TSC1: variants seen among roughly 807,000 people sequenced by gnomAD.
TSC1 encodes the protein TSC complex subunit 1, also known as hamartin.
In TSC1, 20 loss-of-function variants were observed where a neutral mutation model predicts 124.3. The observed-to-expected ratio is 0.16, with a 90% confidence interval of 0.11 to 0.23. TSC1 has a LOEUF of 0.23. Ranked by LOEUF, TSC1 falls within the 10% of genes least tolerant of loss-of-function variation. TSC1 has a pLI of 1.00. For missense variants in TSC1, 1,124 were observed against 1,448.5 expected (o/e 0.78, Z 3.64); for synonymous variants, 493 against 539.1 (o/e 0.91, Z 1.19).
intron 2 of TSC1, among the ~76,000 whole-genome samples, chr9:132,929,859 G>T (rs530657847): frequency 1.3e-5 from 2 of 152,266 alleles, no homozygotes; most frequent in African/African-American, 4.8e-5. Context: ...CACAAAGCTA[G>T]CAAGAGGCAA....
Position 132,902,527 on chromosome 9 carries a change from C to T in TSC1, c.2391+78G>A, listed in dbSNP as rs111915847. 6.1e-5 allele frequency: 94 copies of T among 1,548,058 alleles called. No individual in the cohort carries two copies. In the African/African-American group the frequency reaches 1.2e-3, roughly 19 times the overall value. On this transcript the variant is annotated intron_variant, in intron 18 of 22. Transcript: ENST00000298552. This position sits in a 1 kb window ranked among gnomAD's most constrained non-coding sequence, Gnocchi z 5.2. ...TAAAGCTGAACAAGTCAAGGACACCCAGGGAAACTGACTGCCTCCCTCCCC... is the reference window on the plus strand; with the variant it reads ...TAAAGCTGAACAAGTCAAGGACACCTAGGGAAACTGACTGCCTCCCTCCCC...
rs138277642 is a variant in TSC1, at chr9:132,923,249, A to G, written c.508+99T>C. 8.2e-3 allele frequency: 12,310 copies of G among 1,509,188 alleles called. 83 individuals carry two copies. Among genetic ancestry groups the G allele is most frequent in the South Asian group, 0.013 (982 of 75,166 alleles). 93.5% of individuals were successfully genotyped at this position (1,509,188 alleles called of 1,614,324 possible). A position where few individuals can be genotyped will look rare whatever the true frequency, so the allele number is the denominator to read the frequency against. On this transcript the variant is annotated intron_variant, in intron 6 of 22. Coordinates refer to ENST00000298552, the MANE Select transcript of TSC1 (RefSeq NM_000368.5). This position sits in a 1 kb window ranked among gnomAD's most constrained non-coding sequence, Gnocchi z 4.2. The stretch of plus-strand genomic sequence containing the variant: ...GGTGAAAACCACTCATTTCAGCTAT[A>G]AAAGTCTACATGTCCATTCCTTACA...
chr9:132,944,885 G>A, upstream of TSC1: 1 of 322,176 alleles, frequency 3.1e-6, no homozygotes. Flanking sequence ...CGCGAAGGAG[G>A]CAAAAAGAAG....
At chr9:132,900,681 C>G in intron 20 of TSC1, 34 bp downstream of exon 20, 1 of 1,613,144 alleles carries the variant, frequency 6.2e-7, no homozygotes, top group Non-Finnish European at 8.5e-7. Flanking sequence ...AAACGCTTTC[C>G]CCACTAAGGT....
At chr9:132,916,975 TG>T (rs1020200611) in intron 8 of TSC1, among the ~76,000 whole-genome samples, 4 of 152,224 alleles carry the variant, frequency 2.6e-5, no homozygotes, top group African/African-American at 9.7e-5. Flanking sequence ...GAAGGACATA[TG>T]GGAAGGAAAT....
At chr9:132,937,646 A>G (rs1006571687) in intron 1 of TSC1, among the ~76,000 whole-genome samples, 1 of 152,090 alleles carries the variant, frequency 6.6e-6, no homozygotes, top group African/African-American at 2.4e-5. Flanking sequence ...CCCAGCCACA[A>G]CCCATCCTAC....
chr9:132,929,553 T>C (rs1289540953), intron 2 of TSC1, among the ~76,000 whole-genome samples: 1 of 152,184 alleles, frequency 6.6e-6, no homozygotes, highest in Non-Finnish European at 1.5e-5. Flanking sequence ...AGGGCAAATC[T>C]TCAAAAACTC....
chr9:132,894,693 TA>T lies in TSC1; in HGVS notation c.*1541del, dbSNP rs748099884. The T allele has an allele frequency of 0.2, 22,955 of 113,768 alleles. 918 individuals are homozygous for T. Among genetic ancestry groups the T allele is most frequent in the Middle Eastern group, 0.25 (85 of 342 alleles). The allele number at this position is 113,768 out of a possible 1,614,324, so 7.0% of individuals were successfully genotyped here. A position where few individuals can be genotyped will look rare whatever the true frequency, so the allele number is the denominator to read the frequency against. ...GATGCTAGAATATTTATTGCCATGC[TA>T]AAAAAAAAAAAAAAAAAAAAAGACT... On this transcript the variant is annotated 3_prime_UTR_variant, in exon 23 of 23. Coordinates refer to ENST00000298552, the MANE Select transcript of TSC1 (RefSeq NM_000368.5).
chr9:132,906,475 G>A lies in TSC1; in HGVS notation c.1438+256C>T. 1.9e-6 allele frequency: 1 copy of A among 532,992 alleles called. No individual in the cohort carries two copies. The highest frequency in any genetic ancestry group is 2.0e-5 in the South Asian group (1 of 48,938). The allele number at this position is 532,992 out of a possible 1,614,324, so 33.0% of individuals were successfully genotyped here. On this transcript the variant is annotated intron_variant, in intron 14 of 22. Transcript: ENST00000298552. This position sits in a 1 kb window ranked among gnomAD's most constrained non-coding sequence, Gnocchi z 4.1. Reference sequence around the variant, plus strand: ...GAGGTGGGCGGATTGCTTGAGCCTGGGAGGTCAAGGCTGCAGTGAGCCATG... The same window carrying A: ...GAGGTGGGCGGATTGCTTGAGCCTGAGAGGTCAAGGCTGCAGTGAGCCATG...
chr9:132,913,601 C>T (rs1042889482), intron 8 of TSC1, among the ~76,000 whole-genome samples: 1 of 151,804 alleles, frequency 6.6e-6, no homozygotes, highest in Admixed American at 6.6e-5. Context: ...CTGAGGCGGA[C>T]GGATCACAAG....
rs996498044 is a variant in TSC1 at position 132,921,275 on chromosome 9, C to T, written c.737+88G>A. 2 of 1,395,298 alleles carry T rather than the reference C, an allele frequency of 1.4e-6. No individual in the cohort carries two copies. The highest frequency in any genetic ancestry group is 2.0e-6 in the Non-Finnish European group (2 of 993,708). 86.4% of individuals were successfully genotyped at this position (1,395,298 alleles called of 1,614,324 possible). On this transcript the variant is annotated intron_variant, in intron 8 of 22. Transcript: ENST00000298552. This position sits in a 1 kb window ranked among gnomAD's most constrained non-coding sequence, Gnocchi z 4.3. Reference sequence around the variant, plus strand: ...TTCTGTAAGTAGAACATCTATATTCCCAAATATACCTCAACAGGGATTACC... The same window carrying T: ...TTCTGTAAGTAGAACATCTATATTCTCAAATATACCTCAACAGGGATTACC...
At chr9:132,944,459 C>A (rs1847961355) in intron 1 of TSC1, 84 bp downstream of exon 1, 1 of 397,612 alleles carries the variant, frequency 2.5e-6, no homozygotes, top group Admixed American at 4.4e-5. Flanking sequence ...CCAGCCCCTC[C>A]GAGCCTCCCC....
intron 8 of TSC1, among the ~76,000 whole-genome samples, chr9:132,918,564 G>A (rs1846381060): frequency 6.6e-6 from 1 of 152,160 alleles, no homozygotes; most frequent in Non-Finnish European, 1.5e-5. Context: ...AAGTAGTTGA[G>A]GGCATGAGTG....
chr9:132,926,353 G>A (rs1846859816), intron 4 of TSC1: 1 of 161,576 alleles, frequency 6.2e-6, no homozygotes, highest in Admixed American at 5.8e-5. Context: ...AAAACAAGAT[G>A]TACTGTAAAA....
chr9:132,936,591 G>C (rs1480902047), intron 1 of TSC1, among the ~76,000 whole-genome samples: 2 of 152,100 alleles, frequency 1.3e-5, no homozygotes, highest in Non-Finnish European at 2.9e-5. Flanking sequence ...TGCTAAATGA[G>C]TATATATAAA....
chr9:132,894,146 A>C lies in TSC1; in HGVS notation c.*2089T>G, dbSNP rs938429359. On this transcript the variant is annotated 3_prime_UTR_variant, in exon 23 of 23. Transcript: ENST00000298552. ...CTGAGGACCCTGTGCAGACACGTCC[A>C]TGGAGCTTCTAGCACAGGCCTCTCT... 4.3e-6 allele frequency: 1 copy of C among 233,464 alleles called. No homozygotes were observed. Among genetic ancestry groups the C allele is most frequent in the African/African-American group, 2.2e-5 (1 of 45,348 alleles). The allele number at this position is 233,464 out of a possible 1,614,324, so 14.5% of individuals were successfully genotyped here.
Position 132,906,136 on chromosome 9 carries a change from G to T in TSC1, c.1442C>A (p.Ala481Glu), listed in dbSNP as rs775367219. The change falls in exon 15 of 23, where the codon GCA becomes GAA. Residue 481 changes from alanine to glutamate, a missense_variant. Around this residue, in one of 5 missense-constraint regions of TSC1, gnomAD observed 463 missense variants for 606.8 expected, o/e 0.76. Coordinates refer to ENST00000298552, the MANE Select transcript of TSC1 (RefSeq NM_000368.5). The surrounding 1 kb of genome is among the most constrained non-coding windows in gnomAD (Gnocchi z 4.1). ...GATCTCAGAAAGTTCTCTAGATATT[G>T]CAGCTGAGAGGAAGAGAGGAAACAA... is the stretch of plus-strand genomic sequence containing the variant. ...DSIEKDKEEA[A>E]ISRELSEITT... is the part of the protein sequence containing the mutation. 1 of 1,612,558 alleles carries T rather than the reference G, an allele frequency of 6.2e-7. No homozygotes were observed. Among genetic ancestry groups the T allele is most frequent in the East Asian group, 2.2e-5 (1 of 44,888 alleles).
At chr9:132,935,706 C>T (rs1847424708) in intron 1 of TSC1, among the ~76,000 whole-genome samples, 1 of 152,216 alleles carries the variant, frequency 6.6e-6, no homozygotes, top group Admixed American at 6.5e-5. Flanking sequence ...CCCCAACCCT[C>T]CCCACCACCT....
In TSC1 at chr9:132,925,757, C is replaced by G. The variant is rs751712867; in HGVS notation, c.211-18G>C. On this transcript the variant is annotated intron_variant, in intron 4 of 22. Transcript: ENST00000298552. ...AAGAGGTGCTGAAAATGTAAAAGAA[C>G]AAGGGCAGTCCTCACATGAATGTAT... The G allele has an allele frequency of 2.5e-5, 40 of 1,614,006 alleles. No homozygotes were observed. In the South Asian group the frequency reaches 4.3e-4, roughly 17 times the overall value.
Sources: gnomAD v4.1 joint callset for allele counts (sites outside exome capture counted in the v4.1 genomes callset) on GRCh38, gnomAD v4.1.1 for gene constraint, gnomAD v4.1.1 regional missense constraint, Gnocchi (gnomAD v3.1) non-coding constraint, MANE v1.5 for transcripts, NCBI Gene and HGNC (gene_info 2026-07-23, HGNC 2026-07-21) for gene names.